RFX3: variants seen among roughly 807,000 people sequenced by gnomAD.
RFX3 encodes transcription factor RFX3.
A neutral mutation model predicts 98.6 loss-of-function variants in RFX3; 14 were observed. That is an observed-to-expected ratio of 0.14 (90% CI 0.09 to 0.22). The LOEUF is 0.22. RFX3 is among the 10% of genes least tolerant of loss of function. RFX3 has a pLI of 1.00. For missense variants in RFX3, 639 were observed against 926.9 expected (o/e 0.69, Z 4.03); for synonymous variants, 383 against 328.4 (o/e 1.17, Z -1.80).
chr9:3,373,958 G>A (rs911173274), intron 2 of RFX3, among the ~76,000 whole-genome samples: 1 of 151,992 alleles, frequency 6.6e-6, no homozygotes, highest in African/African-American at 2.4e-5. Context: ...TGCGCCTGTA[G>A]TCCCAGCTAC....
At chr9:3,315,919 G>A (rs1037896867) in intron 4 of RFX3, among the ~76,000 whole-genome samples, 1 of 152,176 alleles carries the variant, frequency 6.6e-6, no homozygotes, top group Non-Finnish European at 1.5e-5. Flanking sequence ...GGACCAGACA[G>A]AGTCACAGCC....
chr9:3,409,926 G>C (rs1842309565), intron 1 of RFX3, among the ~76,000 whole-genome samples: 1 of 151,928 alleles, frequency 6.6e-6, no homozygotes, highest in Non-Finnish European at 1.5e-5. Context: ...CCAATTCCCA[G>C]TCAAAAGCTC....
intron 1 of RFX3, among the ~76,000 whole-genome samples, chr9:3,435,870 T>A (rs1331666908): frequency 6.6e-6 from 1 of 150,826 alleles, no homozygotes; most frequent in Non-Finnish European, 1.5e-5. Context: ...GCAGCCAAAT[T>A]TGTACTTCAT....
chr9:3,409,818 C>T (rs1273935396), intron 1 of RFX3, among the ~76,000 whole-genome samples: 7 of 152,002 alleles, frequency 4.6e-5, no homozygotes, highest in Admixed American at 1.3e-4. Context: ...TAAAAGTATT[C>T]AGATCATCCA....
intron 4 of RFX3, chr9:3,323,873 C>A: frequency 5.0e-6 from 1 of 201,110 alleles, no homozygotes; most frequent in Non-Finnish European, 1.2e-5. Context: ...AAAATTACTG[C>A]CTCTAGATCT....
chr9:3,504,063 T>G (rs1420155418), intron 1 of RFX3, among the ~76,000 whole-genome samples: 1 of 149,462 alleles, frequency 6.7e-6, no homozygotes, highest in African/African-American at 2.5e-5. Flanking sequence ...TGAAAATGGC[T>G]CAATCGGCTC....
At chr9:3,398,448 C>G (rs2131983666) in intron 1 of RFX3, among the ~76,000 whole-genome samples, 1 of 152,162 alleles carries the variant, frequency 6.6e-6, no homozygotes, top group Admixed American at 6.5e-5. Context: ...AAGAGTGAGG[C>G]AATGCTTTTC....
chr9:3,490,830 A>G (rs1398813039), intron 1 of RFX3, among the ~76,000 whole-genome samples: 1 of 152,122 alleles, frequency 6.6e-6, no homozygotes, highest in Non-Finnish European at 1.5e-5. Flanking sequence ...TTTTTAAAAG[A>G]AAGATCTTTT....
intron 2 of RFX3, among the ~76,000 whole-genome samples, chr9:3,354,824 TCTTTTA>T (rs1835559392): frequency 6.6e-6 from 1 of 151,922 alleles, no homozygotes; most frequent in African/African-American, 2.4e-5. Context: ...TGTTTTCTTA[TCTTTTA>T]CTTTTCTGTA....
In RFX3 at chr9:3,407,950, T is replaced by C. The variant is rs567755818; in HGVS notation, c.-8-12354A>G. ...GCTCAGAAAATGTTAAAAATCAATG[T>C]GCCACAGTGATTTCAGAATCTTTTC... On this transcript the variant is annotated intron_variant, in intron 1 of 16. Transcript: ENST00000617270. Among the ~76,000 whole-genome samples the C allele has an allele frequency of 1.6e-4, 24 of 152,252 alleles. No individual in the cohort carries two copies. The East Asian group carries it at 4.3e-3, about 27-fold the overall frequency.
intron 1 of RFX3, among the ~76,000 whole-genome samples, chr9:3,503,198 TCA>T (rs1373865596): frequency 6.6e-6 from 1 of 152,166 alleles, no homozygotes; most frequent in Non-Finnish European, 1.5e-5. Context: ...CACAGCTGAC[TCA>T]CTTCAGACAT....
At chr9:3,377,645 C>T (rs753965610) in intron 2 of RFX3, among the ~76,000 whole-genome samples, 2 of 151,928 alleles carry the variant, frequency 1.3e-5, no homozygotes, top group East Asian at 3.9e-4. Flanking sequence ...AAATAAAAGT[C>T]GTGGAAAATA....
At position 3,403,615 on chromosome 9, in the gene RFX3, T is replaced by C. The variant is rs906242527; in HGVS notation, c.-8-8019A>G. 4.6e-5 allele frequency among the ~76,000 whole-genome samples: 7 copies of C among 152,258 alleles called. No homozygotes were observed. In the East Asian group the frequency reaches 1.2e-3, roughly 25 times the overall value. The stretch of plus-strand genomic sequence containing the variant: ...AATTCTTTCCTTGACTCAGAATAGA[T>C]TATGAAAAACTATTACTTAAAGAAA... On this transcript the variant is annotated intron_variant, in intron 1 of 16. Transcript: ENST00000617270.
At position 3,266,244 on chromosome 9, in the gene RFX3, G is replaced by C. The variant is rs1823615822; in HGVS notation, c.1419C>G (p.Ala473=). The change falls in exon 12 of 17, where the codon GCC becomes GCG. Residue 473 remains alanine (A), a synonymous_variant. Transcript: ENST00000617270. ...TCATTCTCTGTGGAATATTGTTCAT[G>C]GCATTGGAAAGCCAACCTTCAAGGC... is the stretch of plus-strand genomic sequence containing the variant. ...AKSLEGWLSN[A]MNNIPQRMIQ... The C allele has an allele frequency of 6.2e-7, 1 of 1,610,774 alleles. No individual in the cohort carries two copies. The highest frequency in any genetic ancestry group is 1.3e-5 in the African/African-American group (1 of 74,764).
intron 2 of RFX3, among the ~76,000 whole-genome samples, chr9:3,347,593 G>C (rs945285945): frequency 1.3e-5 from 2 of 152,108 alleles, no homozygotes; most frequent in African/African-American, 4.8e-5. Context: ...GGAAGTGAAG[G>C]CAGCTGGATC....
At chr9:3,435,802 TAAAA>T (rs34925429) in intron 1 of RFX3, among the ~76,000 whole-genome samples, 3 of 97,632 alleles carry the variant, frequency 3.1e-5, no homozygotes, top group African/African-American at 3.9e-5. Context: ...ATCTGCATTG[TAAAA>T]AAAAAAAAAA....
At chr9:3,424,007 C>A (rs968019812) in intron 1 of RFX3, among the ~76,000 whole-genome samples, 56 of 151,336 alleles carry the variant, frequency 3.7e-4, no homozygotes, top group Middle Eastern at 3.4e-3. Flanking sequence ...ATTAGCCGGG[C>A]GTGGTGGCAG....
At chr9:3,432,621 T>A (rs1020428026) in intron 1 of RFX3, among the ~76,000 whole-genome samples, 1 of 152,192 alleles carries the variant, frequency 6.6e-6, no homozygotes, top group African/African-American at 2.4e-5. Flanking sequence ...TTTGAAGACA[T>A]GGATCTTGGA....
chr9:3,412,715 T>A (rs1205992641), intron 1 of RFX3, among the ~76,000 whole-genome samples: 1 of 152,132 alleles, frequency 6.6e-6, no homozygotes, highest in Non-Finnish European at 1.5e-5. Context: ...AGCATACCAA[T>A]TCTGTTACAG....
Sources: gnomAD v4.1 joint callset for allele counts (sites outside exome capture counted in the v4.1 genomes callset) on GRCh38, gnomAD v4.1.1 for gene constraint, MANE v1.5 for transcripts, NCBI Gene and HGNC (gene_info 2026-07-23, HGNC 2026-07-21) for gene names.